TUSC3: variants seen among roughly 807,000 people sequenced by gnomAD.
The protein encoded by TUSC3 is tumor suppressor candidate 3.
Under a neutral mutation model 44.8 loss-of-function variants are expected in TUSC3, and 45 were observed. That is an observed-to-expected ratio of 1.00 (90% CI 0.79 to 1.29). TUSC3 has a LOEUF of 1.29. Among genes scored for constraint, TUSC3 ranks in the 50% most tolerant of loss-of-function variants. TUSC3 has a pLI of 0.00. For synonymous variants in TUSC3, 212 were observed against 152.9 expected (o/e 1.39, Z -2.85); for missense variants, 519 against 437.9 (o/e 1.19, Z -1.65).
intron 6 of TUSC3, among the ~76,000 whole-genome samples, chr8:15,717,297 CATTT>C (rs1450346472): frequency 6.6e-6 from 1 of 151,998 alleles, no homozygotes; most frequent in Non-Finnish European, 1.5e-5. Flanking sequence ...GACGAAACAT[CATTT>C]TTTGAGATGA....
At chr8:15,514,734 A>G (rs1051621839) in intron 2 of TUSC3, among the ~76,000 whole-genome samples, 1 of 152,180 alleles carries the variant, frequency 6.6e-6, no homozygotes, top group East Asian at 1.9e-4. Flanking sequence ...ATGAAGACAC[A>G]TCAAAGTAAT....
intron 1 of TUSC3, among the ~76,000 whole-genome samples, chr8:15,479,988 G>A (rs936787465): frequency 9.9e-5 from 15 of 152,086 alleles, no homozygotes; most frequent in African/African-American, 2.4e-5. Flanking sequence ...GAAATCACAA[G>A]CATTCCATAC....
intron 2 of TUSC3, among the ~76,000 whole-genome samples, chr8:15,635,700 A>G (rs540780988): frequency 1.3e-5 from 2 of 152,336 alleles, no homozygotes; most frequent in South Asian, 2.1e-4. Flanking sequence ...GATGCGTATG[A>G]TGCCTTGACT....
chr8:15,790,705 A>G, the TUSC3 span, among the ~76,000 whole-genome samples: 82 of 152,320 alleles, frequency 5.4e-4, no homozygotes, highest in East Asian at 0.013. Context: ...TAGTTGAAGG[A>G]TGGTAGCAGC....
At chr8:15,759,420 G>C (rs1364181394) in intron 10 of TUSC3, among the ~76,000 whole-genome samples, 1 of 151,912 alleles carries the variant, frequency 6.6e-6, no homozygotes, top group Non-Finnish European at 1.5e-5. Context: ...ATTTGTTCCA[G>C]AACACTGTGT....
the TUSC3 span, among the ~76,000 whole-genome samples, chr8:15,777,733 G>A: frequency 6.6e-6 from 1 of 151,944 alleles, no homozygotes; most frequent in Non-Finnish European, 1.5e-5. Context: ...AAAGGTTGTT[G>A]GACTATAATG....
the TUSC3 span, among the ~76,000 whole-genome samples, chr8:15,784,302 C>G: frequency 6.6e-6 from 1 of 152,028 alleles, no homozygotes; most frequent in African/African-American, 2.4e-5. Context: ...CCTCAAAACA[C>G]TAAAAATAGA....
At chr8:15,565,143 C>T (rs891821614) in intron 1 of TUSC3, among the ~76,000 whole-genome samples, 1 of 150,794 alleles carries the variant, frequency 6.6e-6, no homozygotes, top group Non-Finnish European at 1.5e-5. Flanking sequence ...GGTTTGTTTC[C>T]TGCTGGAAGC....
chr8:15,525,765 G>A (rs1801365609), intron 2 of TUSC3, among the ~76,000 whole-genome samples: 2 of 152,076 alleles, frequency 1.3e-5, no homozygotes, highest in Admixed American at 1.3e-4. Context: ...AATGTAGAAT[G>A]GAAATGACCT....
the TUSC3 span, among the ~76,000 whole-genome samples, chr8:15,824,253 C>G: frequency 6.6e-6 from 1 of 152,130 alleles, no homozygotes; most frequent in African/African-American, 2.4e-5. Context: ...ATGAATCACT[C>G]CACAGTCTTC....
At chr8:15,537,091 A>G (rs1026693673), upstream of TUSC3, among the ~76,000 whole-genome samples, 2 of 152,140 alleles carry the variant, frequency 1.3e-5, no homozygotes, top group Non-Finnish European at 1.5e-5. Flanking sequence ...TAATCAACTA[A>G]GAGCCAGGCA....
intron 6 of TUSC3, among the ~76,000 whole-genome samples, chr8:15,696,905 G>A (rs1809193675): frequency 6.6e-6 from 1 of 152,140 alleles, no homozygotes; most frequent in Admixed American, 6.5e-5. Flanking sequence ...GAATTCTGCT[G>A]TGAATCTAGC....
Position 15,457,853 on chromosome 8 carries a change from TAA to T in TUSC3, n.92-25532_92-25531del, listed in dbSNP as rs1360785631. 7.9e-5 allele frequency among the ~76,000 whole-genome samples: 3 copies of T among 37,982 alleles called. No homozygotes were observed. The East Asian group carries it at 1.2e-3, about 15-fold the overall frequency. 24.9% of individuals were successfully genotyped at this position (37,982 alleles called of 152,430 possible). Reference sequence around the variant, plus strand: ...TTAATAAATTAGATTAATTATCTAATAATTATCTAATAAATTAATTAGATAAT... The same window carrying T: ...TTAATAAATTAGATTAATTATCTAATTTATCTAATAAATTAATTAGATAAT... On this transcript the variant is annotated intron_variant and non_coding_transcript_variant, in intron 1 of 5. Coordinates refer to the TUSC3 transcript ENST00000503191.
At chr8:15,770,054 C>G (rs1255812861), downstream of TUSC3, among the ~76,000 whole-genome samples, 3 of 152,154 alleles carry the variant, frequency 2.0e-5, no homozygotes, top group Non-Finnish European at 4.4e-5. Flanking sequence ...CCAGCAATCC[C>G]ATTACTGGGT....
intron 2 of TUSC3, among the ~76,000 whole-genome samples, chr8:15,525,996 G>C (rs945215168): frequency 3.3e-5 from 5 of 152,032 alleles, no homozygotes; most frequent in Admixed American, 2.6e-4. Context: ...CAAGCAGGTG[G>C]TAGTAGGGTG....
intron 1 of TUSC3, among the ~76,000 whole-genome samples, chr8:15,444,792 C>T (rs1349841218): frequency 6.6e-6 from 1 of 152,042 alleles, no homozygotes; most frequent in African/African-American, 2.4e-5. Flanking sequence ...GTCTTCTTAC[C>T]CTCTTAAAAT....
At chr8:15,665,589 G>T (rs1157358502) in intron 5 of TUSC3, among the ~76,000 whole-genome samples, 1 of 150,788 alleles carries the variant, frequency 6.6e-6, no homozygotes, top group Non-Finnish European at 1.5e-5. Context: ...AGATAGAAAG[G>T]TTGCAATTTC....
At chr8:15,801,795 T>C in the TUSC3 span, among the ~76,000 whole-genome samples, 1 of 152,156 alleles carries the variant, frequency 6.6e-6, no homozygotes, top group Non-Finnish European at 1.5e-5. Context: ...TTTTCTCTCA[T>C]TTGGATGCTC....
At chr8:15,462,820 C>G (rs905151766) in intron 1 of TUSC3, among the ~76,000 whole-genome samples, 1 of 152,052 alleles carries the variant, frequency 6.6e-6, no homozygotes, top group East Asian at 1.9e-4. Flanking sequence ...GGATGCTATT[C>G]TCTTAATAAT....
Sources: allele counts gnomAD v4.1 joint callset (sites outside exome capture counted in the v4.1 genomes callset), GRCh38; gene constraint gnomAD v4.1.1; transcripts MANE v1.5; gene names NCBI Gene and HGNC (gene_info 2026-07-23, HGNC 2026-07-21).